Variants in SOD3 observed in about 807,000 individuals in gnomAD.
The protein encoded by SOD3 is extracellular superoxide dismutase [Cu-Zn].
A neutral mutation model predicts 2.6 loss-of-function variants in SOD3; 3 were observed. The observed-to-expected ratio is 1.13, with a 90% CI of 0.52 to 2.93. SOD3 has a LOEUF of 2.93. Among genes scored for constraint, SOD3 ranks in the 30% most tolerant of loss-of-function variants. SOD3 has a pLI of 0.04. For missense variants in SOD3, 379 were observed against 370.4 expected, an observed-to-expected ratio of 1.02 and a Z score of -0.19; for synonymous variants, 188 against 177.5, an observed-to-expected ratio of 1.06 and a Z score of -0.47.
chr4:24,800,406 AC>A lies in SOD3; in HGVS notation c.*165del. 1 of 679,036 alleles carries A rather than the reference AC, an allele frequency of 1.5e-6. No individual in the cohort carries two copies. Among genetic ancestry groups the A allele is most frequent in the Non-Finnish European group, 2.1e-6 (1 of 466,862 alleles). 42.1% of individuals were successfully genotyped at this position (679,036 alleles called of 1,614,324 possible). A position where few individuals can be genotyped will look rare whatever the true frequency, so the allele number is the denominator to read the frequency against. On this transcript the variant is annotated 3_prime_UTR_variant, in exon 2 of 2. Coordinates refer to ENST00000382120, the MANE Select transcript of SOD3 (RefSeq NM_003102.4). ...CACCCAGAGGTCTCCCTATACCGAG[AC>A]CCACCATCCTTCCATCCTGAGGACC...
At chr4:24,798,047 T>C (rs1225331318) in intron 1 of SOD3, among the ~76,000 whole-genome samples, 1 of 151,682 alleles carries the variant, frequency 6.6e-6, no homozygotes, top group Admixed American at 6.6e-5. Flanking sequence ...TCTTTTCTTT[T>C]CTTTCTTTCC....
Position 24,799,495 on chromosome 4 carries a change from G to A in SOD3, c.-16-11G>A. ...TCACTCTGCCCCCACCTCCGCGGGG[G>A]CGTCCCGCAGGTGCCCGACTCCAGC... is the stretch of plus-strand genomic sequence containing the variant. On this transcript the variant is annotated splice_polypyrimidine_tract_variant and intron_variant, in intron 1 of 1. Transcript: ENST00000382120. 2 of 1,594,860 alleles carry A rather than the reference G, an allele frequency of 1.3e-6. No individual in the cohort carries two copies. Among genetic ancestry groups the A allele is most frequent in the Non-Finnish European group, 1.7e-6 (2 of 1,177,900 alleles).
chr4:24,800,022 C>G lies in SOD3; in HGVS notation c.501C>G (p.Leu167=). The G allele has an allele frequency of 6.5e-7, 1 of 1,534,030 alleles. No homozygotes were observed. The highest frequency in any genetic ancestry group is 8.7e-7 in the Non-Finnish European group (1 of 1,149,518). ...ACCGCGCCGGCCTGGCCGCCTCGCT[C>G]GCGGGCCCGCACTCCATCGTGGGCC... The part of the protein sequence containing the change: ...WRYRAGLAAS[L]AGPHSIVGRA... Residue 167 remains leucine, a synonymous_variant, in exon 2 of 2, where the codon CTC becomes CTG. Transcript: ENST00000382120.
rs34368349 is a variant in SOD3 at position 24,796,435 on chromosome 4, C to CTTTTTTTTTTTT, written c.-17+799_-17+810dup. On this transcript the variant is annotated intron_variant, in intron 1 of 1. Transcript: ENST00000382120. ...TTTTCCTCCTCCTCCTCCTTCTTCT[C>CTTTTTTTTTTTT]TTTTTTTTTTTTTTTTTTTTTTTTT... 4.3e-4 allele frequency among the ~76,000 whole-genome samples: 31 copies of CTTTTTTTTTTTT among 71,978 alleles called. 3 individuals are homozygous for CTTTTTTTTTTTT. In the East Asian group the frequency reaches 9.6e-3, roughly 22 times the overall value. The allele number at this position is 71,978 out of a possible 152,430, so 47.2% of individuals were successfully genotyped here.
At position 24,799,896 on chromosome 4, in the gene SOD3, C is replaced by G. The variant is rs1199815341; in HGVS notation, c.375C>G (p.Cys125Trp). ...VHQFGDLSQG[C>W]ESTGPHYNPL... ...AGTTCGGGGACCTGAGCCAGGGCTG[C>G]GAGTCCACCGGGCCCCACTACAACC... is the stretch of plus-strand genomic sequence containing the variant. Residue 125 changes from cysteine to tryptophan, a missense_variant, in exon 2 of 2, where the codon TGC becomes TGG. Coordinates refer to ENST00000382120, the MANE Select transcript of SOD3 (RefSeq NM_003102.4). 5.6e-6 allele frequency: 9 copies of G among 1,601,140 alleles called. No homozygotes were observed. The highest frequency in any genetic ancestry group is 3.3e-5 in the Admixed American group (2 of 59,866).
rs1713793888 is a variant in SOD3 at position 24,799,989 on chromosome 4, C to G, written c.468C>G (p.Leu156=). Residue 156 remains leucine (L), a synonymous_variant, in exon 2 of 2, where the codon CTC becomes CTG. Transcript: ENST00000382120. ...FGNFAVRDGS[L]WRYRAGLAAS... ...ACTTCGCGGTCCGCGACGGCAGCCT[C>G]TGGAGGTACCGCGCCGGCCTGGCCG... 7 of 1,578,184 alleles carry G rather than the reference C, an allele frequency of 4.4e-6. 1 individual carries two copies. The highest frequency in any genetic ancestry group is 3.4e-5 in the South Asian group (3 of 88,016).
chr4:24,798,852 C>G (rs1713746948), intron 1 of SOD3, among the ~76,000 whole-genome samples: 1 of 152,200 alleles, frequency 6.6e-6, no homozygotes, highest in Non-Finnish European at 1.5e-5. Flanking sequence ...CAGGCCCCAT[C>G]TTCAATCACA....
At chr4:24,797,798 C>T (rs1713715202) in intron 1 of SOD3, among the ~76,000 whole-genome samples, 1 of 152,126 alleles carries the variant, frequency 6.6e-6, no homozygotes, top group South Asian at 2.1e-4. Flanking sequence ...TTAAATGGCA[C>T]CTAGTTTGGT....
In SOD3 at chr4:24,800,135, TGGCCTGCTGCGTGGTGGGCGTGTGCG is replaced by T; in HGVS notation, c.619_644del (p.Cys207ArgfsTer45). 1 of 1,378,370 alleles carries T rather than the reference TGGCCTGCTGCGTGGTGGGCGTGTGCG, an allele frequency of 7.3e-7. No individual in the cohort carries two copies. The highest frequency in any genetic ancestry group is 1.5e-5 in the African/African-American group (1 of 65,390). The allele number at this position is 1,378,370 out of a possible 1,614,324, so 85.4% of individuals were successfully genotyped here. ...GAGAACGGGAACGCGGGCCGGCGGC[TGGCCTGCTGCGTGGTGGGCGTGTGCG>T]GGCCCGGGCTCTGGGAGCGCCAGGC... On this transcript the variant is annotated frameshift_variant, in exon 2 of 2. Coordinates refer to ENST00000382120, the MANE Select transcript of SOD3 (RefSeq NM_003102.4). LOFTEE classifies it high-confidence loss of function.
chr4:24,800,599 T>G lies in SOD3; in HGVS notation c.*355T>G. The G allele has an allele frequency of 4.9e-5, 9 of 184,718 alleles. No individual in the cohort carries two copies. The highest frequency in any genetic ancestry group is 2.0e-4 in the South Asian group (1 of 5,000). The allele number at this position is 184,718 out of a possible 1,614,324, so 11.4% of individuals were successfully genotyped here. On this transcript the variant is annotated 3_prime_UTR_variant, in exon 2 of 2. Coordinates refer to ENST00000382120, the MANE Select transcript of SOD3 (RefSeq NM_003102.4). ...GACTCCCGCCTTTGACCTGACGATC[T>G]TCCCCCTTCCCGCCTTCAGGTTCCT...
chr4:24,796,298 C>G (rs1171233727), intron 1 of SOD3, among the ~76,000 whole-genome samples: 1 of 152,136 alleles, frequency 6.6e-6, no homozygotes, highest in Non-Finnish European at 1.5e-5. Flanking sequence ...TCAAACTGAG[C>G]AAGAGGCTGT....
intron 1 of SOD3, 147 bp downstream of exon 1, chr4:24,795,798 G>A (rs1035056395): frequency 2.3e-4 from 35 of 152,476 alleles, no homozygotes; most frequent in Admixed American, 2.2e-3. Context: ...GCTCTGAGGG[G>A]TTAGTGGGGA....
At chr4:24,795,824 G>A (rs1433408633) in intron 1 of SOD3, among the ~76,000 whole-genome samples, 173 bp downstream of exon 1, 1 of 152,140 alleles carries the variant, frequency 6.6e-6, no homozygotes, top group Non-Finnish European at 1.5e-5. Context: ...AGTGAGCGGG[G>A]AGGAAGGCAA....
rs2109071127 is a variant in SOD3, at chr4:24,799,677, G to A, written c.156G>A (p.Arg52=). The part of the protein sequence containing the change: ...VTEIWQEVMQ[R]RDDDGALHAA... ...AGATCTGGCAGGAGGTCATGCAGCG[G>A]CGGGACGACGACGGCGCGCTCCACG... is the stretch of plus-strand genomic sequence containing the variant. The change falls in exon 2 of 2, where the codon CGG becomes CGA. Residue 52 remains arginine (R), a synonymous_variant. Coordinates refer to ENST00000382120, the MANE Select transcript of SOD3 (RefSeq NM_003102.4). The A allele has an allele frequency of 6.3e-7, 1 of 1,594,028 alleles. No individual in the cohort carries two copies. Among genetic ancestry groups the A allele is most frequent in the South Asian group, 1.1e-5 (1 of 88,920 alleles).
chr4:24,800,359 GA>G lies in SOD3; in HGVS notation c.*117del. 1 of 1,101,710 alleles carries G rather than the reference GA, an allele frequency of 9.1e-7. No individual in the cohort carries two copies. The highest frequency in any genetic ancestry group is 1.2e-6 in the Non-Finnish European group (1 of 841,292). The allele number at this position is 1,101,710 out of a possible 1,614,324, so 68.2% of individuals were successfully genotyped here. On this transcript the variant is annotated 3_prime_UTR_variant, in exon 2 of 2. Coordinates refer to ENST00000382120, the MANE Select transcript of SOD3 (RefSeq NM_003102.4). ...CTGAGGTCTCACCTTCGCCTTTGCT[GA>G]AGTCTCCCCGCAGCCCTCTCCACCC...
intron 1 of SOD3, among the ~76,000 whole-genome samples, chr4:24,796,776 A>C (rs1302151471): frequency 1.3e-5 from 2 of 151,984 alleles, no homozygotes; most frequent in Non-Finnish European, 2.9e-5. Context: ...TCAGAGAAAA[A>C]CATCTCCTTA....
rs1471834476 is a variant in SOD3, at chr4:24,795,591, T to C, written c.-77T>C. 6.6e-6 allele frequency: 1 copy of C among 152,272 alleles called. No homozygotes were observed. 9.4% of individuals were successfully genotyped at this position (152,272 alleles called of 1,614,324 possible). ...AGGCTCCAGGGACAGCCTGCGTTCC[T>C]GGGCTGGCTGGGTGCAGCTCTCTTT... On this transcript the variant is annotated 5_prime_UTR_variant, in exon 1 of 2. Transcript: ENST00000382120.
At chr4:24,798,419 C>T (rs938589730) in intron 1 of SOD3, among the ~76,000 whole-genome samples, 1 of 152,168 alleles carries the variant, frequency 6.6e-6, no homozygotes, top group Admixed American at 6.5e-5. Flanking sequence ...TCCATCCTGC[C>T]AGTGCTGCCC....
In SOD3 at chr4:24,796,180, CT is replaced by C. The variant is rs532453259; in HGVS notation, c.-17+530del. Among the ~76,000 whole-genome samples the C allele has an allele frequency of 1.6e-4, 25 of 152,292 alleles. No individual in the cohort carries two copies. In the East Asian group the frequency reaches 4.8e-3, roughly 29 times the overall value. On this transcript the variant is annotated intron_variant, in intron 1 of 1. Transcript: ENST00000382120. ...TCTATTTGGTTCAGGATAAGGGCCC[CT>C]GTCCTCTTTCTCTGATAACACTGTC...
Sources: gnomAD v4.1 joint callset for allele counts (sites outside exome capture counted in the v4.1 genomes callset) on GRCh38, gnomAD v4.1.1 for gene constraint, MANE v1.5 for transcripts, NCBI Gene and HGNC (gene_info 2026-07-23, HGNC 2026-07-21) for gene names.